Variants in BCL7A observed in about 807,000 individuals in gnomAD.
The protein encoded by BCL7A is B-cell CLL/lymphoma 7 protein family member A.
Under a neutral mutation model 28.4 loss-of-function variants are expected in BCL7A, and 11 were observed. The observed-to-expected ratio is 0.39, with a 90% confidence interval of 0.24 to 0.64. The LOEUF is 0.64. BCL7A is among the 30% of genes least tolerant of loss of function. The probability of loss-of-function intolerance (pLI) is 0.50; values close to 1 mark genes in which losing one functional copy is unlikely to be tolerated. For synonymous variants in BCL7A, 123 were observed against 103.3 expected, an observed-to-expected ratio of 1.19 and a Z score of -1.15; for missense variants, 222 against 274.8, an observed-to-expected ratio of 0.81 and a Z score of 1.36.
At chr12:122,031,489 T>C (rs7957207) in intron 2 of BCL7A, among the ~76,000 whole-genome samples, 134,180 of 152,180 alleles carry the variant, frequency 0.88, 59,332 homozygotes, top group African/African-American at 0.95. Context: ...GCCTCACATG[T>C]GGCATCTCCG....
chr12:122,053,893 A>ACC (rs1884251109), intron 4 of BCL7A, among the ~76,000 whole-genome samples: 2 of 151,998 alleles, frequency 1.3e-5, no homozygotes, highest in South Asian at 4.2e-4. Context: ...ATACCACATG[A>ACC]CCCCCATTTG....
At chr12:122,035,471 C>T in intron 3 of BCL7A, 44 bp downstream of exon 3, 2 of 1,548,850 alleles carry the variant, frequency 1.3e-6, no homozygotes, top group South Asian at 1.1e-5. Context: ...CAGCCCGGGG[C>T]CTTGGCCAAG....
intron 3 of BCL7A, among the ~76,000 whole-genome samples, chr12:122,040,938 C>T (rs1471777511): frequency 2.0e-5 from 3 of 152,146 alleles, no homozygotes; most frequent in Admixed American, 2.0e-4. Context: ...CAGGAACCTA[C>T]GGGGCCAGCC....
Position 122,059,720 on chromosome 12 carries a change from C to T in BCL7A, c.*557C>T, listed in dbSNP as rs973130883. On this transcript the variant is annotated 3_prime_UTR_variant, in exon 6 of 6. Transcript: ENST00000261822. The surrounding 1 kb of genome is among the most constrained non-coding windows in gnomAD (Gnocchi z 4.0). ...TCTCCTCCCTGCCCCAGGACTTCAT[C>T]GGAGCAGGCAGGGTGGAGCGAAGGA... is the stretch of plus-strand genomic sequence containing the variant. The T allele has an allele frequency of 1.7e-5, 4 of 232,370 alleles. No individual in the cohort carries two copies. Among genetic ancestry groups the T allele is most frequent in the Non-Finnish European group, 3.4e-5 (4 of 117,696 alleles). 14.4% of individuals were successfully genotyped at this position (232,370 alleles called of 1,614,324 possible). A position where few individuals can be genotyped will look rare whatever the true frequency, so the allele number is the denominator to read the frequency against.
At chr12:122,025,622 A>T (rs180963817) in intron 1 of BCL7A, among the ~76,000 whole-genome samples, 1 of 149,550 alleles carries the variant, frequency 6.7e-6, no homozygotes, top group East Asian at 2.0e-4. Flanking sequence ...GCGAGACTCC[A>T]TCTCAAAAAA....
At position 122,060,668 on chromosome 12, in the gene BCL7A, GT is replaced by G; in HGVS notation, c.*1510del. 1 of 233,228 alleles carries G rather than the reference GT, an allele frequency of 4.3e-6. No homozygotes were observed. The allele number at this position is 233,228 out of a possible 1,614,324, so 14.4% of individuals were successfully genotyped here. Reference sequence around the variant, plus strand: ...GTGGGGTGGGGTCATGGGTTTTGTTGTTTTTGGGGGCTAATTGGTGCATATT... The same window carrying G: ...GTGGGGTGGGGTCATGGGTTTTGTTGTTTTGGGGGCTAATTGGTGCATATT... On this transcript the variant is annotated 3_prime_UTR_variant, in exon 6 of 6. Transcript: ENST00000261822.
At chr12:122,053,734 T>C (rs942201832) in intron 4 of BCL7A, among the ~76,000 whole-genome samples, 2 of 95,796 alleles carry the variant, frequency 2.1e-5, no homozygotes, top group Non-Finnish European at 3.8e-5. Context: ...TAAAGAAAAC[T>C]TGGGGTGGAG....
At chr12:122,047,850 C>G (rs1884107879) in intron 4 of BCL7A, among the ~76,000 whole-genome samples, 1 of 149,120 alleles carries the variant, frequency 6.7e-6, no homozygotes, top group Non-Finnish European at 1.5e-5. Flanking sequence ...AGCTATTTCT[C>G]TATCAGAAGT....
In BCL7A at chr12:122,029,990, G is replaced by C. The variant is rs546832798; in HGVS notation, c.93-710G>C. ...CTCATCCATAAACCTGCCTCTCACA[G>C]TGGGGGGTCTGGACTCCGTCCTTCA... On this transcript the variant is annotated intron_variant, in intron 1 of 5. Transcript: ENST00000261822. The surrounding 1 kb of genome is among the most constrained non-coding windows in gnomAD (Gnocchi z 4.3). Among the ~76,000 whole-genome samples, 37 of 152,320 alleles carry C rather than the reference G, an allele frequency of 2.4e-4. No individual in the cohort carries two copies. The highest frequency in any genetic ancestry group is 8.9e-4 in the African/African-American group (37 of 41,570).
chr12:122,023,067 C>T (rs1883509004), intron 1 of BCL7A, among the ~76,000 whole-genome samples: 1 of 152,118 alleles, frequency 6.6e-6, no homozygotes, highest in Admixed American at 6.5e-5. Context: ...GCGTGGTTTT[C>T]GGGATCACAT....
chr12:122,046,648 C>T (rs961023306), intron 4 of BCL7A, among the ~76,000 whole-genome samples: 2 of 152,188 alleles, frequency 1.3e-5, no homozygotes, highest in African/African-American at 4.8e-5. Flanking sequence ...CCTGCAGTAT[C>T]ATTTTTTAAA....
At position 122,060,346 on chromosome 12, in the gene BCL7A, T is replaced by C. The variant is rs143294306; in HGVS notation, c.*1183T>C. The C allele has an allele frequency of 8.6e-6, 2 of 232,472 alleles. No individual in the cohort carries two copies. Among genetic ancestry groups the C allele is most frequent in the African/African-American group, 2.2e-5 (1 of 45,132 alleles). The allele number at this position is 232,472 out of a possible 1,614,324, so 14.4% of individuals were successfully genotyped here. A position where few individuals can be genotyped will look rare whatever the true frequency, so the allele number is the denominator to read the frequency against. On this transcript the variant is annotated 3_prime_UTR_variant, in exon 6 of 6. Transcript: ENST00000261822. The stretch of plus-strand genomic sequence containing the variant: ...CATGCCGTCTGTCCCCACCGGGGAG[T>C]GGGCCTTGATGGCCGGGCCTCGAAG...
chr12:122,058,057 C>T (rs1951890449), intron 5 of BCL7A, among the ~76,000 whole-genome samples: 1 of 151,900 alleles, frequency 6.6e-6, no homozygotes, highest in South Asian at 2.1e-4. Context: ...ATCATCCGGG[C>T]ATGGTGGCAC....
At chr12:122,024,273 T>A (rs1883560290) in intron 1 of BCL7A, among the ~76,000 whole-genome samples, 1 of 152,316 alleles carries the variant, frequency 6.6e-6, no homozygotes, top group Non-Finnish European at 1.5e-5. Context: ...ACCTTGGGCA[T>A]ATCATTGTCA....
At position 122,055,034 on chromosome 12, in the gene BCL7A, T is replaced by C. The variant is rs1296105581; in HGVS notation, c.561+108T>C. ...GTCATTGTGTTTTGTTGTTTTGTCG[T>C]TGGACCATTGGAACTGTCATTTGTC... On this transcript the variant is annotated intron_variant, in intron 5 of 5. Coordinates refer to ENST00000261822, the MANE Select transcript of BCL7A (RefSeq NM_001024808.3). The C allele has an allele frequency of 4.4e-6, 7 of 1,591,038 alleles. 1 individual carries two copies. The highest frequency in any genetic ancestry group is 6.0e-6 in the Non-Finnish European group (7 of 1,166,030).
chr12:122,045,572 T>C (rs1884058088), intron 4 of BCL7A, among the ~76,000 whole-genome samples: 1 of 152,016 alleles, frequency 6.6e-6, no homozygotes, highest in Admixed American at 6.6e-5. Context: ...TGTGTGTGAT[T>C]GTGTGAATGT....
chr12:122,023,153 A>C (rs1483499475), intron 1 of BCL7A, among the ~76,000 whole-genome samples: 2 of 152,312 alleles, frequency 1.3e-5, no homozygotes, highest in Admixed American at 6.5e-5. Context: ...GTCTGCTCGG[A>C]ATCGGCCCCT....
At chr12:122,024,397 G>C (rs557901259) in intron 1 of BCL7A, among the ~76,000 whole-genome samples, 3 of 152,128 alleles carry the variant, frequency 2.0e-5, no homozygotes, top group East Asian at 1.9e-4. Flanking sequence ...CGCAGGAGGA[G>C]CTGTTGCTCA....
chr12:122,040,532 C>CAAA (rs1021397193), intron 3 of BCL7A, among the ~76,000 whole-genome samples: 6 of 59,744 alleles, frequency 1.0e-4, no homozygotes, highest in Non-Finnish European at 1.7e-4. Flanking sequence ...GCCGTGTCTC[C>CAAA]AAAAAAAAAA....
Sources: allele counts gnomAD v4.1 joint callset (sites outside exome capture counted in the v4.1 genomes callset), GRCh38; gene constraint gnomAD v4.1.1; non-coding constraint Gnocchi (gnomAD v3.1); transcripts MANE v1.5; gene names NCBI Gene and HGNC (gene_info 2026-07-23, HGNC 2026-07-21).